Variants in TAS2R1 observed in about 807,000 individuals in gnomAD.
TAS2R1 encodes the protein taste 2 receptor member 1, also known as taste receptor type 2 member 1.
For synonymous variants in TAS2R1, 141 were observed against 134.2 expected, an observed-to-expected ratio of 1.05 and a Z score of -0.35; for missense variants, 370 against 353.4, an observed-to-expected ratio of 1.05 and a Z score of -0.38.
chr5:9,768,814 T>C, the TAS2R1 span, among the ~76,000 whole-genome samples: 1 of 152,222 alleles, frequency 6.6e-6, no homozygotes, highest in Non-Finnish European at 1.5e-5. Context: ...TGTATATCTT[T>C]ATGGGGTGCA....
rs73037639 is a variant in TAS2R1 at position 9,689,620 on chromosome 5, C to T, written c.-242+22552G>A. 2.1e-3 allele frequency among the ~76,000 whole-genome samples: 320 copies of T among 152,196 alleles called. 2 individuals carry two copies. Among genetic ancestry groups the T allele is most frequent in the African/African-American group, 7.4e-3 (308 of 41,504 alleles). On this transcript the variant is annotated intron_variant, in intron 1 of 2. Coordinates refer to the TAS2R1 transcript ENST00000506620. ...CACAGATTTTTATCACAATGTAATACATTTTTCAGGCTTGAGAGTCTTTTG... is the reference window on the plus strand; with the variant it reads ...CACAGATTTTTATCACAATGTAATATATTTTTCAGGCTTGAGAGTCTTTTG...
chr5:9,682,793 C>T (rs1741020107), intron 1 of TAS2R1, among the ~76,000 whole-genome samples: 1 of 152,174 alleles, frequency 6.6e-6, no homozygotes, highest in South Asian at 2.1e-4. Flanking sequence ...ATGCCTCATT[C>T]AGCCTACAAC....
chr5:9,762,070 A>G, the TAS2R1 span, among the ~76,000 whole-genome samples: 18 of 152,190 alleles, frequency 1.2e-4, no homozygotes, highest in Admixed American at 2.0e-4. Flanking sequence ...GGGCTCACCA[A>G]AAAAACACCT....
At chr5:9,802,584 C>A in the TAS2R1 span, among the ~76,000 whole-genome samples, 1 of 152,034 alleles carries the variant, frequency 6.6e-6, no homozygotes, top group Non-Finnish European at 1.5e-5. Flanking sequence ...ATCATAGATC[C>A]AAACCAAGAC....
chr5:9,730,868 G>A, the TAS2R1 span, among the ~76,000 whole-genome samples: 1 of 152,174 alleles, frequency 6.6e-6, no homozygotes, highest in Non-Finnish European at 1.5e-5. Flanking sequence ...AGTTTTATAA[G>A]GCATTTCCCT....
the TAS2R1 span, among the ~76,000 whole-genome samples, chr5:9,794,934 C>CT: frequency 6.6e-6 from 1 of 152,150 alleles, no homozygotes; most frequent in Non-Finnish European, 1.5e-5. Context: ...TTGGGTTTAT[C>CT]TTTCACTTTT....
chr5:9,833,148 A>G, the TAS2R1 span, among the ~76,000 whole-genome samples: 2 of 152,220 alleles, frequency 1.3e-5, no homozygotes, highest in African/African-American at 4.8e-5. Flanking sequence ...ACAGCAGGGC[A>G]GAGAAAGCAG....
the TAS2R1 span, among the ~76,000 whole-genome samples, chr5:9,750,757 T>G: frequency 3.9e-5 from 6 of 152,144 alleles, no homozygotes; most frequent in Non-Finnish European, 2.9e-5. Context: ...ATCCTCAAAT[T>G]GGCAATCAGA....
chr5:9,830,634 CAT>C, the TAS2R1 span, among the ~76,000 whole-genome samples: 3 of 150,242 alleles, frequency 2.0e-5, no homozygotes, highest in South Asian at 2.1e-4. Context: ...CACACACACA[CAT>C]ACAACAGAGA....
chr5:9,691,236 T>C (rs1378704068), intron 1 of TAS2R1, among the ~76,000 whole-genome samples: 1 of 152,314 alleles, frequency 6.6e-6, no homozygotes, highest in African/African-American at 2.4e-5. Context: ...CAAGGCCCTG[T>C]GAAGACAGAG....
chr5:9,728,980 A>C, the TAS2R1 span, among the ~76,000 whole-genome samples: 1 of 152,200 alleles, frequency 6.6e-6, no homozygotes, highest in Non-Finnish European at 1.5e-5. Context: ...ACAAAGCCTG[A>C]GCTATCTTCT....
At chr5:9,802,521 C>G in the TAS2R1 span, among the ~76,000 whole-genome samples, 15 of 152,290 alleles carry the variant, frequency 9.8e-5, no homozygotes, top group Non-Finnish European at 2.2e-4. Flanking sequence ...AAGCACTGTT[C>G]TTTATCACCC....
the TAS2R1 span, among the ~76,000 whole-genome samples, chr5:9,894,521 C>A: frequency 6.6e-6 from 1 of 152,136 alleles, no homozygotes; most frequent in Non-Finnish European, 1.5e-5. Flanking sequence ...ATCTGCAAAC[C>A]CTGGAGGAAG....
the TAS2R1 span, among the ~76,000 whole-genome samples, chr5:9,727,740 G>A: frequency 7.2e-5 from 11 of 152,310 alleles, no homozygotes; most frequent in Admixed American, 1.3e-4. Flanking sequence ...AGATGGTAAC[G>A]AAGCTGCAAG....
At chr5:9,633,268 T>C (rs1028206639), upstream of TAS2R1, among the ~76,000 whole-genome samples, 18 of 108,812 alleles carry the variant, frequency 1.7e-4, no homozygotes, top group Non-Finnish European at 2.9e-4. Context: ...TATTCCATAG[T>C]GTGTGTGTGT....
the TAS2R1 span, among the ~76,000 whole-genome samples, chr5:9,787,708 C>A: frequency 6.6e-6 from 1 of 152,192 alleles, no homozygotes; most frequent in Non-Finnish European, 1.5e-5. Flanking sequence ...CTACTCCTTT[C>A]CAGCAACTTT....
chr5:9,643,663 T>C (rs184200987), intron 2 of TAS2R1, among the ~76,000 whole-genome samples: 20 of 152,284 alleles, frequency 1.3e-4, no homozygotes, highest in Non-Finnish European at 2.6e-4. Context: ...TTCAACTCCA[T>C]TAAAATCTCA....
intron 1 of TAS2R1, among the ~76,000 whole-genome samples, chr5:9,699,432 A>C (rs2126524025): frequency 6.6e-6 from 1 of 152,324 alleles, no homozygotes; most frequent in South Asian, 2.1e-4. Flanking sequence ...ATATGAGTTG[A>C]AATGATACAC....
At chr5:9,777,262 A>G in the TAS2R1 span, among the ~76,000 whole-genome samples, 1 of 152,216 alleles carries the variant, frequency 6.6e-6, no homozygotes, top group African/African-American at 2.4e-5. Flanking sequence ...ATTGGAATCA[A>G]TCCCCTCAAA....
Sources: allele counts gnomAD v4.1 joint callset (sites outside exome capture counted in the v4.1 genomes callset), GRCh38; gene constraint gnomAD v4.1.1; transcripts MANE v1.5; gene names NCBI Gene and HGNC (gene_info 2026-07-23, HGNC 2026-07-21).